The following ZNF492 variants were observed in gnomAD, a reference collection of about 807,000 sequenced individuals.
The protein encoded by ZNF492 is zinc finger protein 492, also known as zinc finger protein 115 (Y20).
Under a neutral mutation model 6.4 loss-of-function variants are expected in ZNF492, and 3 were observed. The ratio of observed to expected loss-of-function variants is 0.47; its 90% CI spans 0.21 to 1.22. The LOEUF (loss-of-function observed/expected upper bound fraction) is 1.22, where lower values mean the gene tolerates loss of function less well. Among genes scored for constraint, ZNF492 ranks in the 50% most tolerant of loss-of-function variants. The pLI is 0.22. For synonymous variants in ZNF492, 112 were observed against 205.3 expected (o/e 0.55, Z 3.89); for missense variants, 356 against 612.5 (o/e 0.58, Z 4.42).
At position 22,654,082 on chromosome 19, in the gene ZNF492, A is replaced by G. The variant is rs1451830511; in HGVS notation, c.130+67A>G. ...AGAGCTCCAAAGTAGAAAAAAAAAAAAGCCAGTCCTTAAAATGATTTGAAA... is the reference window on the plus strand; with the variant it reads ...AGAGCTCCAAAGTAGAAAAAAAAAAGAGCCAGTCCTTAAAATGATTTGAAA... On this transcript the variant is annotated intron_variant, in intron 3 of 3. Transcript: ENST00000456783. The G allele has an allele frequency of 5.5e-6, 8 of 1,459,520 alleles. No homozygotes were observed. The East Asian group carries it at 2.1e-4, about 38-fold the overall frequency. The allele number at this position is 1,459,520 out of a possible 1,614,324, so 90.4% of individuals were successfully genotyped here. A position where few individuals can be genotyped will look rare whatever the true frequency, so the allele number is the denominator to read the frequency against.
At position 22,643,662 on chromosome 19, in the gene ZNF492, G is replaced by A. The variant is rs534325967; in HGVS notation, c.-94+9188G>A. Among the ~76,000 whole-genome samples, 3 of 152,258 alleles carry A rather than the reference G, an allele frequency of 2.0e-5. No individual in the cohort carries two copies. The East Asian group carries it at 5.8e-4, about 29-fold the overall frequency. ...GCAATGCTTAGTTCAGTGGTTGTAA[G>A]CCCAGGCTGCTAATTACAATCACAT... On this transcript the variant is annotated intron_variant, in intron 1 of 3. Coordinates refer to ENST00000456783, the MANE Select transcript of ZNF492 (RefSeq NM_020855.3).
chr19:22,644,345 A>T (rs1971856749), intron 1 of ZNF492, among the ~76,000 whole-genome samples: 1 of 152,150 alleles, frequency 6.6e-6, no homozygotes, highest in African/African-American at 2.4e-5. Flanking sequence ...GGTTTGCTGC[A>T]CGTATTGACC....
intron 1 of ZNF492, among the ~76,000 whole-genome samples, chr19:22,635,025 A>G (rs936992177): frequency 1.3e-5 from 2 of 152,260 alleles, no homozygotes; most frequent in East Asian, 1.9e-4. Flanking sequence ...CCCAAATTCA[A>G]TAATCGGTTA....
chr19:22,659,593 G>C (rs35167345), intron 3 of ZNF492, among the ~76,000 whole-genome samples: 43,980 of 135,972 alleles, frequency 0.32, 6,908 homozygotes, highest in African/African-American at 0.42. Context: ...CACACACACA[G>C]AGAGAGAGAG....
At chr19:22,635,113 G>A (rs952880768) in intron 1 of ZNF492, among the ~76,000 whole-genome samples, 4 of 151,848 alleles carry the variant, frequency 2.6e-5, no homozygotes, top group Non-Finnish European at 5.9e-5. Context: ...TTACTTGGCA[G>A]TTTATCGTTA....
intron 1 of ZNF492, among the ~76,000 whole-genome samples, chr19:22,649,283 T>A (rs1001842296): frequency 4.6e-4 from 70 of 152,342 alleles, no homozygotes; most frequent in African/African-American, 1.6e-3. Flanking sequence ...TTGTAGGATT[T>A]CTGCTGAGAG....
At chr19:22,660,152 T>C (rs1485689557) in intron 3 of ZNF492, among the ~76,000 whole-genome samples, 1 of 150,950 alleles carries the variant, frequency 6.6e-6, no homozygotes, top group Non-Finnish European at 1.5e-5. Context: ...TAGTGTTTTT[T>C]ATCATTAGAT....
chr19:22,650,509 T>A (rs1226286944), intron 1 of ZNF492, among the ~76,000 whole-genome samples: 1 of 152,052 alleles, frequency 6.6e-6, no homozygotes, highest in Non-Finnish European at 1.5e-5. Context: ...TCCTCAGAAC[T>A]GGCGGGGGGA....
At chr19:22,642,961 T>C (rs567038546) in intron 1 of ZNF492, among the ~76,000 whole-genome samples, 1 of 152,270 alleles carries the variant, frequency 6.6e-6, no homozygotes, top group African/African-American at 2.4e-5. Flanking sequence ...CAGGCTGAAG[T>C]ACTTACAATG....
In ZNF492 at chr19:22,653,360, A is replaced by G; in HGVS notation, c.-40A>G. ...TAGAATTCTCTCTGGAGGAGTGGCA[A>G]TGCCTGGACACCGCACAGCAGAATT... On this transcript the variant is annotated 5_prime_UTR_variant, in exon 2 of 4. It removes an upstream start codon present in the reference 5' UTR. Transcript: ENST00000456783. The G allele has an allele frequency of 1.9e-6, 3 of 1,613,864 alleles. No individual in the cohort carries two copies. The highest frequency in any genetic ancestry group is 2.5e-6 in the Non-Finnish European group (3 of 1,180,010).
intron 3 of ZNF492, among the ~76,000 whole-genome samples, chr19:22,655,166 C>A (rs868535189): frequency 2.0e-5 from 3 of 151,642 alleles, no homozygotes; most frequent in African/African-American, 7.3e-5. Context: ...TGGTGACAGG[C>A]GCCTGTAATT....
rs1453177329 is a variant in ZNF492, at chr19:22,664,970, C to T, written c.1301C>T (p.Ser434Leu). The T allele has an allele frequency of 6.2e-7, 1 of 1,607,310 alleles. No homozygotes were observed. Among genetic ancestry groups the T allele is most frequent in the South Asian group, 1.1e-5 (1 of 90,786 alleles). Reference sequence around the variant, plus strand: ...TGTGGCAAAGCTTTTAACCAGTCCTCAACTCTTTCTAAACATAAGGTAATT... The same window carrying T: ...TGTGGCAAAGCTTTTAACCAGTCCTTAACTCTTTCTAAACATAAGGTAATT... ...EECGKAFNQS[S>L]TLSKHKVIHT... is the part of the protein sequence containing the mutation. Residue 434 changes from serine to leucine, a missense_variant, in exon 4 of 4, where the codon TCA becomes TTA. Around this residue, in one of 7 missense-constraint regions of ZNF492, gnomAD observed 81 missense variants for 115.4 expected, o/e 0.70. Coordinates refer to ENST00000456783, the MANE Select transcript of ZNF492 (RefSeq NM_020855.3).
rs1972126606 is a variant in ZNF492 at position 22,666,237 on chromosome 19, C to A, written c.*972C>A. The A allele has an allele frequency of 6.8e-6, 1 of 146,234 alleles. No individual in the cohort carries two copies. The highest frequency in any genetic ancestry group is 7.0e-5 in the Admixed American group (1 of 14,334). 9.1% of individuals were successfully genotyped at this position (146,234 alleles called of 1,614,324 possible). A position where few individuals can be genotyped will look rare whatever the true frequency, so the allele number is the denominator to read the frequency against. On this transcript the variant is annotated 3_prime_UTR_variant, in exon 4 of 4. Transcript: ENST00000456783. ...AGTCTTGCTCTATCGCCCCCCCAGG[C>A]TGGAGTACAGTGGCACGATCTCAGC...
chr19:22,654,100 A>G, intron 3 of ZNF492, 85 bp downstream of exon 3: 3 of 1,420,954 alleles, frequency 2.1e-6, no homozygotes, highest in Non-Finnish European at 2.8e-6. Flanking sequence ...CCTTAAAATG[A>G]TTTGAAATCT....
chr19:22,636,886 G>A (rs1195027693), intron 1 of ZNF492, among the ~76,000 whole-genome samples: 19 of 110,388 alleles, frequency 1.7e-4, no homozygotes, highest in Non-Finnish European at 2.5e-4. Context: ...TGCCTGCCTC[G>A]GCCTCCCAAA....
intron 1 of ZNF492, among the ~76,000 whole-genome samples, chr19:22,652,909 C>T (rs1691949247): frequency 6.6e-6 from 1 of 152,112 alleles, no homozygotes; most frequent in African/African-American, 2.4e-5. Flanking sequence ...TCTGCATTAA[C>T]AAGATCTCCA....
intron 3 of ZNF492, among the ~76,000 whole-genome samples, chr19:22,658,166 T>C (rs1242978287): frequency 6.6e-6 from 1 of 152,100 alleles, no homozygotes; most frequent in Non-Finnish European, 1.5e-5. Flanking sequence ...GGTTCACGTC[T>C]GTAATCCCCG....
At chr19:22,648,425 G>C (rs915180281) in intron 1 of ZNF492, among the ~76,000 whole-genome samples, 1 of 152,192 alleles carries the variant, frequency 6.6e-6, no homozygotes, top group African/African-American at 2.4e-5. Context: ...ATATTCTGTT[G>C]ATTTGGGGTG....
At chr19:22,651,847 A>AAATAAT (rs3033251) in intron 1 of ZNF492, among the ~76,000 whole-genome samples, 28,987 of 151,842 alleles carry the variant, frequency 0.19, 3,632 homozygotes, top group African/African-American at 0.36. Context: ...GAAAGTTTAA[A>AAATAAT]AATAATAATA....
Sources: gnomAD v4.1 joint callset for allele counts (sites outside exome capture counted in the v4.1 genomes callset) on GRCh38, gnomAD v4.1.1 for gene constraint, gnomAD v4.1.1 regional missense constraint, MANE v1.5 for transcripts, NCBI Gene and HGNC (gene_info 2026-07-23, HGNC 2026-07-21) for gene names.